Variants in HABP4 observed in about 807,000 individuals in gnomAD.
HABP4 encodes the protein hyaluronan binding protein 4.
In HABP4, 32 loss-of-function variants were observed where a neutral mutation model predicts 44.1. The ratio of observed to expected loss-of-function variants is 0.73; its 90% CI spans 0.55 to 0.97. The LOEUF (loss-of-function observed/expected upper bound fraction) is 0.97. HABP4 is among the 50% of genes least tolerant of loss of function. The probability of loss-of-function intolerance (pLI) is 0.00; values close to 1 mark genes in which losing one functional copy is unlikely to be tolerated. For missense variants in HABP4, 503 were observed against 561.9 expected (o/e 0.90, Z 1.06); for synonymous variants, 216 against 218.0 (o/e 0.99, Z 0.08).
chr9:96,468,550 T>C (rs1286322982), intron 4 of HABP4, among the ~76,000 whole-genome samples: 2 of 152,026 alleles, frequency 1.3e-5, no homozygotes, highest in African/African-American at 2.4e-5. Flanking sequence ...TGAGCCACCG[T>C]GCCCGGCCTT....
intron 5 of HABP4, 87 bp from the exon 6 acceptor site, chr9:96,484,375 G>A: frequency 1.6e-6 from 1 of 640,122 alleles, no homozygotes; most frequent in Non-Finnish European, 2.8e-6. Context: ...AAAATATGTT[G>A]AATTAATGGT....
intron 5 of HABP4, among the ~76,000 whole-genome samples, chr9:96,476,568 G>T (rs1465178659): frequency 6.6e-6 from 1 of 152,136 alleles, no homozygotes; most frequent in African/African-American, 2.4e-5. Context: ...CAAAAATGGG[G>T]GTGTTAAAGC....
At chr9:96,475,390 C>CAAAAAA (rs61553823) in intron 5 of HABP4, among the ~76,000 whole-genome samples, 19,331 of 91,876 alleles carry the variant, frequency 0.21, 901 homozygotes, top group African/African-American at 0.27. Flanking sequence ...ACAACAACAA[C>CAAAAAA]AAAAAAAAAA....
chr9:96,484,652 AT>A lies in HABP4; in HGVS notation c.999+20del. 7.3e-7 allele frequency: 1 copy of A among 1,367,092 alleles called. No individual in the cohort carries two copies. Among genetic ancestry groups the A allele is most frequent in the Non-Finnish European group, 1.0e-6 (1 of 959,762 alleles). 84.7% of individuals were successfully genotyped at this position (1,367,092 alleles called of 1,614,324 possible). A position where few individuals can be genotyped will look rare whatever the true frequency, so the allele number is the denominator to read the frequency against. On this transcript the variant is annotated intron_variant, in intron 6 of 7. Transcript: ENST00000375249. ...AGATGATGTAAGCATTGCATTTCGTATGTAGAGGTAATCTTTACTTTTACCT... is the reference window on the plus strand; with the variant it reads ...AGATGATGTAAGCATTGCATTTCGTAGTAGAGGTAATCTTTACTTTTACCT...
intron 6 of HABP4, among the ~76,000 whole-genome samples, chr9:96,486,295 A>G (rs967029651): frequency 1.1e-4 from 17 of 152,214 alleles, no homozygotes; most frequent in African/African-American, 3.6e-4. Context: ...TCCACAAGAA[A>G]TGGCTTTTTG....
Position 96,462,573 on chromosome 9 carries a change from C to G in HABP4, c.513-2764C>G, listed in dbSNP as rs560350162. On this transcript the variant is annotated intron_variant, in intron 2 of 7. Transcript: ENST00000375249. ...GCTGCAGTGAGCTGAGATTGCACCA[C>G]TTCACTCCAGCCTGGGAGACAGAAC... is the stretch of plus-strand genomic sequence containing the variant. 2.0e-5 allele frequency among the ~76,000 whole-genome samples: 3 copies of G among 149,982 alleles called. No individual in the cohort carries two copies. In the South Asian group the frequency reaches 6.4e-4, roughly 32 times the overall value.
intron 1 of HABP4, among the ~76,000 whole-genome samples, chr9:96,455,976 A>T (rs1474784644): frequency 6.6e-6 from 1 of 152,006 alleles, no homozygotes; most frequent in African/African-American, 2.4e-5. Flanking sequence ...AAATGCTTTA[A>T]CCTGGGAGGC....
intron 5 of HABP4, among the ~76,000 whole-genome samples, chr9:96,473,692 C>T (rs1027685818): frequency 3.9e-5 from 6 of 152,206 alleles, no homozygotes; most frequent in African/African-American, 1.2e-4. Context: ...TCTGGGTTCA[C>T]CATGAGGCCT....
Position 96,450,851 on chromosome 9 carries a change from C to T in HABP4, c.349+223C>T, listed in dbSNP as rs1407317926. On this transcript the variant is annotated intron_variant, in intron 1 of 7. Transcript: ENST00000375249. This position sits in a 1 kb window ranked among gnomAD's most constrained non-coding sequence, Gnocchi z 4.8. Reference sequence around the variant, plus strand: ...AACGCTGGCTTGGGGTGGGATAGGGCCCTCGAACCCTGGCACTGAGGCTCT... The same window carrying T: ...AACGCTGGCTTGGGGTGGGATAGGGTCCTCGAACCCTGGCACTGAGGCTCT... Among the ~76,000 whole-genome samples the T allele has an allele frequency of 6.6e-6, 1 of 152,086 alleles. No homozygotes were observed. Among genetic ancestry groups the T allele is most frequent in the Non-Finnish European group, 1.5e-5 (1 of 67,982 alleles).
At chr9:96,477,888 A>G (rs556294930) in intron 5 of HABP4, among the ~76,000 whole-genome samples, 7 of 152,264 alleles carry the variant, frequency 4.6e-5, no homozygotes, top group South Asian at 2.1e-4. Flanking sequence ...CCGGCAGCCA[A>G]TGATCTACTT....
In HABP4 at chr9:96,488,278, G is replaced by A. The variant is rs770251839; in HGVS notation, c.1185+4G>A. Reference sequence around the variant, plus strand: ...TGGACCCAGAGCAGAAGTGGTGGTAGGTGTCTGTATTGACGGTTTGGCGAA... The same window carrying A: ...TGGACCCAGAGCAGAAGTGGTGGTAAGTGTCTGTATTGACGGTTTGGCGAA... On this transcript the variant is annotated splice_donor_region_variant and intron_variant, in intron 7 of 7. Transcript: ENST00000375249. The surrounding 1 kb of genome is among the most constrained non-coding windows in gnomAD (Gnocchi z 4.6). The A allele has an allele frequency of 6.2e-7, 1 of 1,606,468 alleles. No homozygotes were observed. The highest frequency in any genetic ancestry group is 1.7e-5 in the Admixed American group (1 of 59,908).
intron 2 of HABP4, among the ~76,000 whole-genome samples, chr9:96,463,033 TC>T (rs1832533279): frequency 6.7e-6 from 1 of 149,716 alleles, no homozygotes; most frequent in African/African-American, 2.5e-5. Flanking sequence ...CTCACTGCAC[TC>T]CTGGGCTCAA....
intron 4 of HABP4, among the ~76,000 whole-genome samples, chr9:96,466,031 C>T (rs896764290): frequency 6.6e-6 from 1 of 152,144 alleles, no homozygotes; most frequent in Admixed American, 6.6e-5. Context: ...CATGTATTTG[C>T]TGATGCCTCA....
chr9:96,485,822 ATTAG>A (rs1456856232), intron 6 of HABP4, among the ~76,000 whole-genome samples: 1 of 152,074 alleles, frequency 6.6e-6, no homozygotes, highest in African/African-American at 2.4e-5. Context: ...TCTGTGGGGT[ATTAG>A]TTATTGATTT....
rs1336553446 is a variant in HABP4 at position 96,457,173 on chromosome 9, C to G, written c.350-1206C>G. ...CACTTTGGGAGGCTGAGGAGACCAG[C>G]CTGACCAGGTTAGAGAAACGTCGTC... On this transcript the variant is annotated intron_variant, in intron 1 of 7. Transcript: ENST00000375249. 4.6e-5 allele frequency among the ~76,000 whole-genome samples: 7 copies of G among 152,076 alleles called. No homozygotes were observed. In the East Asian group the frequency reaches 9.7e-4, roughly 21 times the overall value.
chr9:96,456,691 C>T (rs1193834421), intron 1 of HABP4, among the ~76,000 whole-genome samples: 2 of 136,976 alleles, frequency 1.5e-5, no homozygotes, highest in Non-Finnish European at 3.0e-5. Context: ...ACCCGGGAGG[C>T]GGTGCTTGCA....
chr9:96,456,973 A>G (rs1298921807), intron 1 of HABP4, among the ~76,000 whole-genome samples: 1 of 151,604 alleles, frequency 6.6e-6, no homozygotes, highest in Admixed American at 6.6e-5. Context: ...TTTGAAGATT[A>G]AAGATGTGAC....
intron 6 of HABP4, among the ~76,000 whole-genome samples, chr9:96,485,975 C>G (rs1294677269): frequency 6.6e-6 from 1 of 152,012 alleles, no homozygotes; most frequent in Non-Finnish European, 1.5e-5. Flanking sequence ...GGTGGATCAC[C>G]TGAGGTCAGG....
At chr9:96,458,250 C>G (rs1328796057) in intron 1 of HABP4, 129 bp from the exon 2 acceptor site, 1 of 970,018 alleles carries the variant, frequency 1.0e-6, no homozygotes, top group Non-Finnish European at 1.6e-6. Context: ...TTGAAGTTTT[C>G]TAAACTTCCT....
Sources: gnomAD v4.1 joint callset for allele counts (sites outside exome capture counted in the v4.1 genomes callset) on GRCh38, gnomAD v4.1.1 for gene constraint, Gnocchi (gnomAD v3.1) non-coding constraint, MANE v1.5 for transcripts, NCBI Gene and HGNC (gene_info 2026-07-23, HGNC 2026-07-21) for gene names.